CMIP: variants seen among roughly 807,000 people sequenced by gnomAD.
CMIP encodes the protein c-Maf inducing protein.
Under a neutral mutation model 97.3 loss-of-function variants are expected in CMIP, and 13 were observed. That is an observed-to-expected ratio of 0.13 (90% confidence interval 0.09 to 0.21). The LOEUF is 0.21. Ranked by LOEUF, CMIP falls within the 10% of genes least tolerant of loss-of-function variation. The pLI is 1.00. For synonymous variants in CMIP, 538 were observed against 436.3 expected (o/e 1.23, Z -2.91); for missense variants, 847 against 1,024.9 (o/e 0.83, Z 2.37).
At position 81,495,417 on chromosome 16, in the gene CMIP, G is replaced by A. The variant is rs947271160; in HGVS notation, c.300+49876G>A. 3.8e-6 allele frequency: 6 copies of A among 1,593,672 alleles called. No homozygotes were observed. In the South Asian group the frequency reaches 4.6e-5, roughly 12 times the overall value. ...AACAACAAACCAAGCCGGCCGGGCT[G>A]CCGCTCTGTTTCCTGCGAGGAGGGA... On this transcript the variant is annotated intron_variant, in intron 1 of 20. Coordinates refer to ENST00000537098, the MANE Select transcript of CMIP (RefSeq NM_198390.3).
chr16:81,659,630 C>T (rs965889688), intron 5 of CMIP, among the ~76,000 whole-genome samples: 1 of 152,188 alleles, frequency 6.6e-6, no homozygotes, highest in African/African-American at 2.4e-5. Context: ...GCCAGCAACA[C>T]CTGTGGGTCC....
At chr16:81,591,970 C>T (rs13336783) in intron 1 of CMIP, among the ~76,000 whole-genome samples, 14,708 of 151,294 alleles carry the variant, frequency 0.097, 802 homozygotes, top group East Asian at 0.3. Context: ...ATTACAGGCG[C>T]CTGCCACCAC....
In CMIP at chr16:81,696,656, T is replaced by A. The variant is rs778684316; in HGVS notation, c.1627T>A (p.Phe543Ile). 5 of 1,606,210 alleles carry A rather than the reference T, an allele frequency of 3.1e-6. No homozygotes were observed. Among genetic ancestry groups the A allele is most frequent in the Non-Finnish European group, 4.2e-6 (5 of 1,179,788 alleles). ...GVACDDDGEL[F>I]ASMVHILMGS... ...GGCCTGCGACGATGACGGGGAGCTG[T>A]TCGCCAGCATGGTACGCAGTGGGAC... Residue 543 changes from phenylalanine to isoleucine, a missense_variant, in exon 14 of 21, where the codon TTC becomes ATC. Coordinates refer to ENST00000537098, the MANE Select transcript of CMIP (RefSeq NM_198390.3).
chr16:81,687,526 C>T (rs1461173044), intron 10 of CMIP, among the ~76,000 whole-genome samples: 1 of 152,190 alleles, frequency 6.6e-6, no homozygotes, highest in Non-Finnish European at 1.5e-5. Context: ...AGTGCAGGTG[C>T]TGGGGCCGAG....
intron 1 of CMIP, among the ~76,000 whole-genome samples, chr16:81,507,862 C>G (rs946639518): frequency 6.6e-6 from 1 of 152,208 alleles, no homozygotes; most frequent in African/African-American, 2.4e-5. Flanking sequence ...GAGGGTAGCA[C>G]TCAGTAGTAC....
At chr16:81,456,027 T>C (rs1375102363) in intron 1 of CMIP, among the ~76,000 whole-genome samples, 2 of 152,156 alleles carry the variant, frequency 1.3e-5, no homozygotes, top group Non-Finnish European at 2.9e-5. Flanking sequence ...GGTCTGCCCA[T>C]TGGAAAGGGG....
rs928132916 is a variant in CMIP, at chr16:81,616,591, G to A, written c.427-4285G>A. Reference sequence around the variant, plus strand: ...TAGCTGGGATCTGCAAACTAAACCTGCCTTCTTGAACCGAAACCTGCCTTC... The same window carrying A: ...TAGCTGGGATCTGCAAACTAAACCTACCTTCTTGAACCGAAACCTGCCTTC... On this transcript the variant is annotated intron_variant, in intron 2 of 20. Transcript: ENST00000537098. The surrounding 1 kb of genome is among the most constrained non-coding windows in gnomAD (Gnocchi z 4.7). Among the ~76,000 whole-genome samples, 2 of 152,238 alleles carry A rather than the reference G, an allele frequency of 1.3e-5. No homozygotes were observed. Among genetic ancestry groups the A allele is most frequent in the African/African-American group, 4.8e-5 (2 of 41,470 alleles).
chr16:81,649,545 A>G (rs1198406020), intron 3 of CMIP, among the ~76,000 whole-genome samples: 1 of 152,242 alleles, frequency 6.6e-6, no homozygotes, highest in Non-Finnish European at 1.5e-5. Context: ...AATGATGTTC[A>G]CCAAATATTA....
At chr16:81,463,351 A>G (rs1435008538) in intron 1 of CMIP, among the ~76,000 whole-genome samples, 4 of 152,194 alleles carry the variant, frequency 2.6e-5, no homozygotes, top group East Asian at 3.8e-4. Context: ...TCAGATTTAG[A>G]CATGGAATTT....
intron 7 of CMIP, among the ~76,000 whole-genome samples, chr16:81,669,699 T>G (rs1334607719): frequency 1.3e-5 from 1 of 76,338 alleles, no homozygotes; most frequent in African/African-American, 5.6e-5. Flanking sequence ...CCACCTCACA[T>G]TCACCTCCTC....
intron 1 of CMIP, among the ~76,000 whole-genome samples, chr16:81,541,617 A>G (rs942343424): frequency 2.6e-5 from 4 of 152,240 alleles, no homozygotes; most frequent in Non-Finnish European, 5.9e-5. Flanking sequence ...ATGAGCGTGA[A>G]GAGAGAACGG....
At chr16:81,548,413 A>T (rs1210772076) in intron 1 of CMIP, among the ~76,000 whole-genome samples, 2 of 152,126 alleles carry the variant, frequency 1.3e-5, no homozygotes, top group Non-Finnish European at 2.9e-5. Flanking sequence ...CTGGGATTAC[A>T]GTGTGAGGCA....
intron 1 of CMIP, among the ~76,000 whole-genome samples, chr16:81,550,895 C>G (rs2090640238): frequency 6.6e-6 from 1 of 151,174 alleles, no homozygotes; most frequent in Non-Finnish European, 1.5e-5. Context: ...CACACACACC[C>G]CAGTTCCGTC....
At chr16:81,636,066 T>TG (rs2092230524) in intron 3 of CMIP, among the ~76,000 whole-genome samples, 2 of 128,810 alleles carry the variant, frequency 1.6e-5, no homozygotes, top group Non-Finnish European at 3.7e-5. Flanking sequence ...TAAATTGGGC[T>TG]GGTTGTGTGT....
At chr16:81,571,582 T>C (rs1287909113) in intron 1 of CMIP, among the ~76,000 whole-genome samples, 1 of 100,734 alleles carries the variant, frequency 9.9e-6, no homozygotes, top group Non-Finnish European at 1.8e-5. Flanking sequence ...AGATCTCATC[T>C]CTACCAAAAA....
At chr16:81,550,043 C>A (rs138975228) in intron 1 of CMIP, among the ~76,000 whole-genome samples, 1 of 152,318 alleles carries the variant, frequency 6.6e-6, no homozygotes, top group Non-Finnish European at 1.5e-5. Context: ...ACATGTGTGT[C>A]AGAATTATTG....
intron 14 of CMIP, chr16:81,698,143 GC>G (rs1347002157): frequency 1.3e-5 from 2 of 152,264 alleles, no homozygotes; most frequent in African/African-American, 4.8e-5. Flanking sequence ...GAAGCAGGCA[GC>G]CGCTGGATGG....
intron 3 of CMIP, among the ~76,000 whole-genome samples, chr16:81,633,442 G>T (rs1407553357): frequency 6.6e-6 from 1 of 152,246 alleles, no homozygotes; most frequent in East Asian, 1.9e-4. Context: ...TGTCCCCACA[G>T]AGGAATTAGG....
chr16:81,474,012 G>T (rs1339269121), intron 1 of CMIP, among the ~76,000 whole-genome samples: 1 of 152,068 alleles, frequency 6.6e-6, no homozygotes, highest in East Asian at 1.9e-4. Context: ...CAGTTCCGAG[G>T]TGGTGCTTCC....
Sources: gnomAD v4.1 joint callset for allele counts (sites outside exome capture counted in the v4.1 genomes callset) on GRCh38, gnomAD v4.1.1 for gene constraint, Gnocchi (gnomAD v3.1) non-coding constraint, MANE v1.5 for transcripts, NCBI Gene and HGNC (gene_info 2026-07-23, HGNC 2026-07-21) for gene names.